PKD1L3: variants seen among roughly 807,000 people sequenced by gnomAD.
PKD1L3 encodes polycystin-1-like protein 3.
PKD1L3 carries 239 observed loss-of-function variants against 184.1 expected under a neutral mutation model. The ratio of observed to expected loss-of-function variants is 1.30; its 90% CI spans 1.17 to 1.45. The LOEUF is 1.45. Among genes scored for constraint, PKD1L3 ranks in the 40% most tolerant of loss-of-function variants. PKD1L3 has a pLI of 0.00. For missense variants in PKD1L3, 2,660 were observed against 2,067.2 expected, an observed-to-expected ratio of 1.29 and a Z score of -5.56; for synonymous variants, 996 against 778.8, an observed-to-expected ratio of 1.28 and a Z score of -4.64.
chr16:71,985,977 ACTT>A (rs2040344822), intron 5 of PKD1L3, among the ~76,000 whole-genome samples: 1 of 152,322 alleles, frequency 6.6e-6, no homozygotes, highest in Admixed American at 6.5e-5. Flanking sequence ...GGTGAACAGA[ACTT>A]CTTCCCCATC....
At chr16:71,960,587 T>G (rs781537328) in intron 16 of PKD1L3, among the ~76,000 whole-genome samples, 1 of 152,038 alleles carries the variant, frequency 6.6e-6, no homozygotes, top group Middle Eastern at 3.4e-3. Context: ...TAAATGCTCC[T>G]AATAAACATC....
chr16:71,984,357 T>C (rs1409642745), intron 5 of PKD1L3, among the ~76,000 whole-genome samples, 190 bp from the exon 6 acceptor site: 1 of 152,150 alleles, frequency 6.6e-6, no homozygotes, highest in Non-Finnish European at 1.5e-5. Flanking sequence ...ACTTCTTCCA[T>C]ACGATAGAGA....
chr16:71,944,528 A>T (rs2038485407), intron 22 of PKD1L3, among the ~76,000 whole-genome samples: 1 of 152,016 alleles, frequency 6.6e-6, no homozygotes, highest in African/African-American at 2.4e-5. Context: ...ACAAAAAAAT[A>T]AAAAATTAGC....
intron 16 of PKD1L3, among the ~76,000 whole-genome samples, chr16:71,957,804 G>T (rs996019286): frequency 6.6e-6 from 1 of 152,124 alleles, no homozygotes; most frequent in Non-Finnish European, 1.5e-5. Flanking sequence ...ATCAAAAAAG[G>T]GCTGGAGTGG....
At chr16:71,998,173 C>T (rs750891594) in intron 2 of PKD1L3, 99 bp downstream of exon 2, 2 of 1,452,546 alleles carry the variant, frequency 1.4e-6, no homozygotes, top group Non-Finnish European at 1.9e-6. Context: ...CATGGTCTAA[C>T]ACTCACAGAC....
At chr16:71,945,299 T>TATACACACACACACAC (rs2038539699) in intron 22 of PKD1L3, among the ~76,000 whole-genome samples, 1 of 65,946 alleles carries the variant, frequency 1.5e-5, no homozygotes, top group African/African-American at 6.8e-5. Flanking sequence ...TATATATATA[T>TATACACACACACACAC]ATATATACAC....
Position 71,969,678 on chromosome 16 carries a change from G to A in PKD1L3, c.2184+197C>T, listed in dbSNP as rs546840269. Among the ~76,000 whole-genome samples the A allele has an allele frequency of 6.5e-3, 942 of 145,582 alleles. 5 individuals carry two copies. Among genetic ancestry groups the A allele is most frequent in the Non-Finnish European group, 9.6e-3 (624 of 65,028 alleles). On this transcript the variant is annotated intron_variant, in intron 13 of 29. Coordinates refer to ENST00000620267, the MANE Select transcript of PKD1L3 (RefSeq NM_181536.2). ...GCAAGGTCCAATCTTGGAACCAAAGGAAAAAAAAATAGAGAGAAAAAGTTC... is the reference window on the plus strand; with the variant it reads ...GCAAGGTCCAATCTTGGAACCAAAGAAAAAAAAAATAGAGAGAAAAAGTTC...
Position 71,942,925 on chromosome 16 carries a change from T to G in PKD1L3, c.3959A>C (p.His1320Pro). The stretch of plus-strand genomic sequence containing the variant: ...AAGAAGTTTGATTTCCGAGAACTGG[T>G]GCGAAAATGTCTTCCAGATAGCTTG... The part of the protein sequence containing the change: ...LHQAIWKTFS[H>P]QFSEIKLLQD... Residue 1320 changes from histidine to proline, a missense_variant, in exon 24 of 30, where the codon CAC becomes CCC. Physicochemically the swap from His to Pro is moderately conservative, Grantham distance 77. Coordinates refer to ENST00000620267, the MANE Select transcript of PKD1L3 (RefSeq NM_181536.2). 6.4e-7 allele frequency: 1 copy of G among 1,551,528 alleles called. No homozygotes were observed. The highest frequency in any genetic ancestry group is 8.7e-7 in the Non-Finnish European group (1 of 1,146,868).
At chr16:71,998,431 G>T in intron 1 of PKD1L3, 37 bp from the exon 2 acceptor site, 5 of 1,524,628 alleles carry the variant, frequency 3.3e-6, no homozygotes, top group Non-Finnish European at 4.4e-6. Flanking sequence ...CCTCATACTC[G>T]AAAGCCAGGC....
intron 7 of PKD1L3, among the ~76,000 whole-genome samples, chr16:71,980,411 C>A (rs759003353): frequency 4.6e-5 from 7 of 152,124 alleles, no homozygotes; most frequent in Non-Finnish European, 2.9e-5. Flanking sequence ...TTTTAAATGA[C>A]AGCTTTATTG....
chr16:71,991,002 GA>G (rs2040569123), intron 3 of PKD1L3: 1 of 152,172 alleles, frequency 6.6e-6, no homozygotes, highest in African/African-American at 2.4e-5. Flanking sequence ...GAAGAACACA[GA>G]AACAAAGAGA....
intron 16 of PKD1L3, among the ~76,000 whole-genome samples, chr16:71,955,805 T>C (rs2039023210): frequency 6.6e-6 from 1 of 152,110 alleles, no homozygotes; most frequent in African/African-American, 2.4e-5. Flanking sequence ...ACCTGATGGT[T>C]TTATAAGGTG....
In PKD1L3 at chr16:71,953,065, TTCAGA is replaced by T; in HGVS notation, c.2833_2837del (p.Ser945ThrfsTer26). 1.3e-6 allele frequency: 2 copies of T among 1,515,314 alleles called. No homozygotes were observed. Among genetic ancestry groups the T allele is most frequent in the East Asian group, 5.2e-5 (2 of 38,662 alleles). The allele number at this position is 1,515,314 out of a possible 1,614,324, so 93.9% of individuals were successfully genotyped here. A position where few individuals can be genotyped will look rare whatever the true frequency, so the allele number is the denominator to read the frequency against. ...CAGCAGTATGGATGCTGACCAGCAGTTCAGACCAGGCCACAGCAAATGGACGCACT... is the reference window on the plus strand; with the variant it reads ...CAGCAGTATGGATGCTGACCAGCAGTCCAGGCCACAGCAAATGGACGCACT... On this transcript the variant is annotated frameshift_variant, in exon 18 of 30. Transcript: ENST00000620267. LOFTEE classifies it high-confidence loss of function.
At chr16:71,989,454 C>CA in intron 4 of PKD1L3, among the ~76,000 whole-genome samples, 1 of 152,212 alleles carries the variant, frequency 6.6e-6, no homozygotes, top group East Asian at 1.9e-4. Context: ...TGCCCAGCCT[C>CA]TGTTCTTTTA....
chr16:71,963,194 T>C lies in PKD1L3; in HGVS notation c.2612+11A>G. 6.5e-7 allele frequency: 1 copy of C among 1,539,560 alleles called. No homozygotes were observed. Among genetic ancestry groups the C allele is most frequent in the Non-Finnish European group, 8.8e-7 (1 of 1,140,896 alleles). On this transcript the variant is annotated intron_variant, in intron 16 of 29. Coordinates refer to ENST00000620267, the MANE Select transcript of PKD1L3 (RefSeq NM_181536.2). ...CAATATTCACTGTTAATAGTAATTT[T>C]CCAACAGTACCTAAAGGAAAAGAGC...
In PKD1L3 at chr16:71,942,836, T is replaced by A; in HGVS notation, c.4048A>T (p.Lys1350Ter). The A allele has an allele frequency of 1.3e-6, 2 of 1,551,674 alleles. No individual in the cohort carries two copies. The highest frequency in any genetic ancestry group is 1.7e-6 in the Non-Finnish European group (2 of 1,146,978). The part of the protein sequence containing the change: ...LPSLYGDYRG[K>*]NAVLEPSHCK... Reference sequence around the variant, plus strand: ...TGACTGGGCTCCAGGACTGCATTCTTACCTCTGTAATCCCCATACAGGCTA... The same window carrying A: ...TGACTGGGCTCCAGGACTGCATTCTAACCTCTGTAATCCCCATACAGGCTA... Residue 1350 changes from lysine to a stop codon, truncating the protein, a stop_gained, in exon 24 of 30, where the codon AAG (lysine) becomes TAG (stop). Coordinates refer to ENST00000620267, the MANE Select transcript of PKD1L3 (RefSeq NM_181536.2). LOFTEE classifies it high-confidence loss of function.
At chr16:71,938,940 G>C (rs956873627) in intron 24 of PKD1L3, among the ~76,000 whole-genome samples, 2 of 152,216 alleles carry the variant, frequency 1.3e-5, no homozygotes, top group African/African-American at 4.8e-5. Context: ...AAACAGGGCT[G>C]AAACACACCC....
chr16:71,963,933 G>A lies in PKD1L3; in HGVS notation c.2466-582C>T, dbSNP rs368397532. ...TTTATAACCTTTCTCTGTCCCATAT[G>A]TGACAGTGGCTTGCCACCTTTTCAA... On this transcript the variant is annotated intron_variant, in intron 15 of 29. Coordinates refer to ENST00000620267, the MANE Select transcript of PKD1L3 (RefSeq NM_181536.2). 2.5e-3 allele frequency among the ~76,000 whole-genome samples: 381 copies of A among 152,308 alleles called. 15 individuals carry two copies. The South Asian group carries it at 0.067, about 27-fold the overall frequency.
At chr16:71,973,070 C>T (rs1299904176) in intron 12 of PKD1L3, among the ~76,000 whole-genome samples, 1 of 152,244 alleles carries the variant, frequency 6.6e-6, no homozygotes, top group Non-Finnish European at 1.5e-5. Context: ...TTTATCCACA[C>T]TTGTCAGATC....
Sources: allele counts gnomAD v4.1 joint callset (sites outside exome capture counted in the v4.1 genomes callset), GRCh38; gene constraint gnomAD v4.1.1; transcripts MANE v1.5; gene names NCBI Gene and HGNC (gene_info 2026-07-23, HGNC 2026-07-21).